Variants in RALGAPA1 observed in about 807,000 individuals in gnomAD.
The protein encoded by RALGAPA1 is Ral GTPase activating protein catalytic subunit alpha 1, also known as ral GTPase-activating protein subunit alpha-1.
RALGAPA1 carries 52 observed loss-of-function variants against 269.6 expected under a neutral mutation model. The observed-to-expected ratio is 0.19, with a 90% CI of 0.15 to 0.24. The LOEUF (loss-of-function observed/expected upper bound fraction) is 0.24, where lower values mean the gene tolerates loss of function less well. Among genes scored for constraint, RALGAPA1 ranks in the 10% least tolerant of loss-of-function variants. The pLI, the probability that RALGAPA1 is intolerant of heterozygous loss-of-function variation, is 1.00. For missense variants in RALGAPA1, 1,917 were observed against 3,013.9 expected, an observed-to-expected ratio of 0.64 and a Z score of 8.52; for synonymous variants, 817 against 1,008.3, an observed-to-expected ratio of 0.81 and a Z score of 3.60.
At chr14:35,736,532 A>G (rs149340812) in intron 12 of RALGAPA1, among the ~76,000 whole-genome samples, 552 of 152,286 alleles carry the variant, frequency 3.6e-3, no homozygotes, top group Middle Eastern at 6.8e-3. Flanking sequence ...CAGTGAAAGA[A>G]TCTGTTTTAA....
At position 35,750,487 on chromosome 14, in the gene RALGAPA1, T is replaced by A. The variant is rs764683550; in HGVS notation, c.1006A>T (p.Ile336Phe). 1.1e-5 allele frequency: 17 copies of A among 1,612,472 alleles called. No homozygotes were observed. The South Asian group carries it at 1.4e-4, about 14-fold the overall frequency. The change falls in exon 9 of 42, where the codon ATT becomes TTT. Residue 336 changes from isoleucine to phenylalanine, a missense_variant. Physicochemically the swap from Ile to Phe is conservative, Grantham distance 21. Coordinates refer to ENST00000680220, the MANE Select transcript of RALGAPA1 (RefSeq NM_001346249.2). ...GMEGEVLPKN[I>F]QRAAASLVSR... Reference sequence around the variant, plus strand: ...CTGCCTCATTTGTGCATTACCTGAATATTCTTTGGCAAGACTTCACCTTCC... The same window carrying A: ...CTGCCTCATTTGTGCATTACCTGAAAATTCTTTGGCAAGACTTCACCTTCC...
At chr14:35,713,924 C>G (rs1160912041) in intron 16 of RALGAPA1, among the ~76,000 whole-genome samples, 1 of 151,924 alleles carries the variant, frequency 6.6e-6, no homozygotes, top group African/African-American at 2.4e-5. Context: ...GGTGAAATCC[C>G]ATCTCTACTA....
chr14:35,611,538 C>A (rs970157044), intron 35 of RALGAPA1, among the ~76,000 whole-genome samples: 2 of 151,120 alleles, frequency 1.3e-5, no homozygotes, highest in African/African-American at 4.9e-5. Context: ...AAACACCCAG[C>A]CTGGGCAACA....
At chr14:35,711,065 A>G (rs563281908) in intron 16 of RALGAPA1, among the ~76,000 whole-genome samples, 1 of 152,368 alleles carries the variant, frequency 6.6e-6, no homozygotes, top group South Asian at 2.1e-4. Context: ...TAATGTTAGC[A>G]TAGTATACCT....
intron 31 of RALGAPA1, among the ~76,000 whole-genome samples, chr14:35,642,843 A>C (rs2062115592): frequency 6.6e-6 from 1 of 152,230 alleles, no homozygotes; most frequent in African/African-American, 2.4e-5. Flanking sequence ...GTATATACCC[A>C]AAGGATTATA....
intron 4 of RALGAPA1, among the ~76,000 whole-genome samples, chr14:35,764,560 T>A (rs1402256768): frequency 6.6e-6 from 1 of 151,528 alleles, no homozygotes; most frequent in Non-Finnish European, 1.5e-5. Context: ...TTTATTATCA[T>A]TTTGAGACAG....
intron 9 of RALGAPA1, among the ~76,000 whole-genome samples, chr14:35,749,656 T>C (rs1310966465): frequency 6.6e-6 from 1 of 152,116 alleles, no homozygotes; most frequent in Non-Finnish European, 1.5e-5. Flanking sequence ...TGCTTGAGAA[T>C]TTTCGCACTT....
Position 35,725,126 on chromosome 14 carries a change from T to C in RALGAPA1, c.1764A>G (p.Arg588=), listed in dbSNP as rs774470129. The C allele has an allele frequency of 7.5e-6, 12 of 1,596,170 alleles. No individual in the cohort carries two copies. Among genetic ancestry groups the C allele is most frequent in the South Asian group, 4.6e-5 (4 of 87,382 alleles). ...GCATCTTCAGTACAGATTCCGTGAC[T>C]CTGAGCAACACAAGCAGCATCTGTT... ...TWEQMLLVLL[R]VTESVLKMPS... Residue 588 remains arginine (R), a synonymous_variant, in exon 14 of 42, where the codon AGA becomes AGG. Coordinates refer to ENST00000680220, the MANE Select transcript of RALGAPA1 (RefSeq NM_001346249.2).
chr14:35,600,224 C>CTTTT (rs1349247404), intron 36 of RALGAPA1, among the ~76,000 whole-genome samples: 25 of 92,568 alleles, frequency 2.7e-4, no homozygotes, highest in African/African-American at 9.3e-4. Flanking sequence ...TTTTCTTTTT[C>CTTTT]TTTTTTTCTT....
chr14:35,772,624 C>T (rs1272313448), intron 3 of RALGAPA1, among the ~76,000 whole-genome samples: 6 of 152,090 alleles, frequency 3.9e-5, no homozygotes, highest in African/African-American at 1.2e-4. Context: ...TAAATGAATG[C>T]TAATAAGGGC....
chr14:35,668,185 T>C (rs1287399555), intron 26 of RALGAPA1, among the ~76,000 whole-genome samples: 1 of 152,132 alleles, frequency 6.6e-6, no homozygotes, highest in African/African-American at 2.4e-5. Context: ...ATAATACAAA[T>C]GTATTTAAAA....
intron 16 of RALGAPA1, among the ~76,000 whole-genome samples, chr14:35,720,431 A>G (rs190574188): frequency 6.6e-6 from 1 of 152,208 alleles, no homozygotes; most frequent in Admixed American, 6.5e-5. Flanking sequence ...TTTTTATACA[A>G]GATGTATCCT....
At chr14:35,761,147 A>G (rs1320528618) in intron 5 of RALGAPA1, 141 bp from the exon 6 acceptor site, 4 of 554,328 alleles carry the variant, frequency 7.2e-6, no homozygotes, top group African/African-American at 5.7e-5. Context: ...AGTTGAGGAG[A>G]AGAGAGACAG....
chr14:35,776,899 A>G (rs1019670722), intron 1 of RALGAPA1, among the ~76,000 whole-genome samples: 12 of 152,242 alleles, frequency 7.9e-5, no homozygotes, highest in African/African-American at 2.4e-4. Context: ...ACTATTTACT[A>G]TGAAGCTTTA....
intron 4 of RALGAPA1, among the ~76,000 whole-genome samples, chr14:35,764,462 C>A (rs1015946687): frequency 6.6e-6 from 1 of 152,072 alleles, no homozygotes; most frequent in Non-Finnish European, 1.5e-5. Context: ...ATTGAAAATA[C>A]ATTATCCCAA....
chr14:35,672,125 AAG>A (rs1566967749), intron 25 of RALGAPA1, among the ~76,000 whole-genome samples: 1 of 152,190 alleles, frequency 6.6e-6, no homozygotes, highest in Non-Finnish European at 1.5e-5. Flanking sequence ...TCTAATAATT[AAG>A]AGAGTCATTT....
intron 18 of RALGAPA1, among the ~76,000 whole-genome samples, chr14:35,686,935 A>T (rs2065990691): frequency 6.6e-6 from 1 of 152,222 alleles, no homozygotes; most frequent in Admixed American, 6.5e-5. Flanking sequence ...TTAGGTTAAT[A>T]TTGCCTATAA....
chr14:35,595,522 G>A lies in RALGAPA1; in HGVS notation c.7209+112C>T, dbSNP rs2058880702. On this transcript the variant is annotated intron_variant, in intron 37 of 41. Transcript: ENST00000680220. ...TCAAGACAGCACTGGGTGGAGTGGTGTACTACAACCAGAAACAGTGCTTGA... is the reference window on the plus strand; with the variant it reads ...TCAAGACAGCACTGGGTGGAGTGGTATACTACAACCAGAAACAGTGCTTGA... 3 of 921,528 alleles carry A rather than the reference G, an allele frequency of 3.3e-6. No individual in the cohort carries two copies. In the South Asian group the frequency reaches 4.1e-5, roughly 13 times the overall value. The allele number at this position is 921,528 out of a possible 1,614,324, so 57.1% of individuals were successfully genotyped here.
chr14:35,688,504 C>A lies in RALGAPA1; in HGVS notation c.3907G>T (p.Asp1303Tyr). ...NRMPPEAPLR[D>Y]LYSHVMGYFG... The stretch of plus-strand genomic sequence containing the variant: ...TAGCCCATTACATGACTGTACAGAT[C>A]CCTCAGTGGAGCCTCTGGTGGCATT... Residue 1303 changes from aspartate (D) to tyrosine (Y), a missense_variant, in exon 18 of 42, where the codon GAT becomes TAT. Physicochemically the swap from Asp to Tyr is radical, Grantham distance 160. Around this residue, in one of 11 missense-constraint regions of RALGAPA1, gnomAD observed 615 missense variants for 790.0 expected, o/e 0.78. Transcript: ENST00000680220. 3.9e-6 allele frequency: 6 copies of A among 1,536,132 alleles called. No individual in the cohort carries two copies. Among genetic ancestry groups the A allele is most frequent in the Non-Finnish European group, 5.2e-6 (6 of 1,146,890 alleles).
Sources: gnomAD v4.1 joint callset for allele counts (sites outside exome capture counted in the v4.1 genomes callset) on GRCh38, gnomAD v4.1.1 for gene constraint, gnomAD v4.1.1 regional missense constraint, MANE v1.5 for transcripts, NCBI Gene and HGNC (gene_info 2026-07-23, HGNC 2026-07-21) for gene names.